The following MERTK variants were observed in gnomAD, a reference collection of about 807,000 sequenced individuals.
The protein encoded by MERTK is MER proto-oncogene, tyrosine kinase.
A neutral mutation model predicts 99.3 loss-of-function variants in MERTK; 69 were observed. The observed-to-expected ratio is 0.70, with a 90% CI of 0.57 to 0.85. The LOEUF (loss-of-function observed/expected upper bound fraction) is 0.85, where lower values mean the gene tolerates loss of function less well. Ranked by LOEUF, MERTK falls within the 40% of genes least tolerant of loss-of-function variation. MERTK has a pLI of 0.00. For missense variants in MERTK, 1,125 were observed against 1,249.4 expected (o/e 0.90, Z 1.50); for synonymous variants, 426 against 467.6 (o/e 0.91, Z 1.15).
chr2:111,946,141 C>G (rs1684957815), intron 3 of MERTK, among the ~76,000 whole-genome samples: 1 of 152,120 alleles, frequency 6.6e-6, no homozygotes, highest in Admixed American at 6.5e-5. Context: ...TCAGAGGAGT[C>G]TCTTCATGAC....
chr2:111,938,034 CAGTAG>C, intron 2 of MERTK, among the ~76,000 whole-genome samples: 1 of 152,204 alleles, frequency 6.6e-6, no homozygotes, highest in South Asian at 2.1e-4. Context: ...TCCAGAACTC[CAGTAG>C]AGTAACCACT....
intron 1 of MERTK, among the ~76,000 whole-genome samples, chr2:111,924,948 C>A (rs1254826217): frequency 6.6e-6 from 1 of 151,958 alleles, no homozygotes; most frequent in Non-Finnish European, 1.5e-5. Context: ...AGCTTTCAGT[C>A]CGGCAGTGGA....
chr2:112,029,025 C>A lies in MERTK; in HGVS notation c.*161C>A, dbSNP rs940636278. ...GTTAAGTAAGCTGTCATTAAAAATA[C>A]ATAATATATATTTATTTAAAGAGAA... On this transcript the variant is annotated 3_prime_UTR_variant, in exon 19 of 19. Coordinates refer to ENST00000295408, the MANE Select transcript of MERTK (RefSeq NM_006343.3). The A allele has an allele frequency of 2.6e-5, 38 of 1,451,738 alleles. No homozygotes were observed. Among genetic ancestry groups the A allele is most frequent in the South Asian group, 9.0e-5 (6 of 66,880 alleles). The allele number at this position is 1,451,738 out of a possible 1,614,324, so 89.9% of individuals were successfully genotyped here.
rs375195445 is a variant in MERTK at position 112,028,875 on chromosome 2, G to A, written c.*11G>A. On this transcript the variant is annotated 3_prime_UTR_variant, in exon 19 of 19. Coordinates refer to ENST00000295408, the MANE Select transcript of MERTK (RefSeq NM_006343.3). ...GAAGTCCTGATGTGAGGAGAGGTGC[G>A]GGGAGACATTCCAAAAATCAAGCCA... 6.6e-5 allele frequency: 106 copies of A among 1,613,346 alleles called. No individual in the cohort carries two copies. Among genetic ancestry groups the A allele is most frequent in the African/African-American group, 3.1e-4 (23 of 74,864 alleles).
At chr2:111,942,918 T>C (rs1684891962) in intron 2 of MERTK, among the ~76,000 whole-genome samples, 3 of 152,222 alleles carry the variant, frequency 2.0e-5, no homozygotes, top group Admixed American at 6.5e-5. Context: ...CACAGGCCAA[T>C]GAGGATCTGC....
intron 10 of MERTK, among the ~76,000 whole-genome samples, chr2:112,000,091 G>A (rs1365328185): frequency 2.6e-5 from 4 of 152,124 alleles, no homozygotes; most frequent in Non-Finnish European, 5.9e-5. Context: ...GTTAGGGTGG[G>A]GCAGGAACAA....
At chr2:111,981,727 G>A (rs1057514054) in intron 7 of MERTK, among the ~76,000 whole-genome samples, 6 of 111,774 alleles carry the variant, frequency 5.4e-5, no homozygotes, top group African/African-American at 1.5e-4. Context: ...TTTTATACAC[G>A]TACACTCGTG....
At chr2:111,963,317 A>G (rs1156829205) in intron 4 of MERTK, among the ~76,000 whole-genome samples, 1 of 152,194 alleles carries the variant, frequency 6.6e-6, no homozygotes, top group Admixed American at 6.5e-5. Flanking sequence ...CAGGAGAGCA[A>G]TGCCTTCCTC....
chr2:111,970,412 C>T (rs1676082189), intron 6 of MERTK, among the ~76,000 whole-genome samples: 1 of 152,104 alleles, frequency 6.6e-6, no homozygotes, highest in Non-Finnish European at 1.5e-5. Flanking sequence ...CAGCCTCAGC[C>T]TCCCAAAGTG....
At chr2:111,931,334 C>T (rs575049732) in intron 2 of MERTK, among the ~76,000 whole-genome samples, 3 of 152,124 alleles carry the variant, frequency 2.0e-5, no homozygotes, top group Non-Finnish European at 2.9e-5. Context: ...GCTAAGACTG[C>T]TTAGGAGATT....
chr2:111,976,087 T>C (rs149303580), intron 7 of MERTK, among the ~76,000 whole-genome samples: 5 of 152,322 alleles, frequency 3.3e-5, no homozygotes, highest in African/African-American at 9.6e-5. Context: ...GAAATACTTA[T>C]ATTTACCAGT....
intron 10 of MERTK, among the ~76,000 whole-genome samples, chr2:111,998,935 T>C (rs1052579817): frequency 6.6e-6 from 1 of 152,218 alleles, no homozygotes; most frequent in African/African-American, 2.4e-5. Flanking sequence ...ATTTGTTCCT[T>C]TTGTAAAACC....
chr2:111,898,774 C>T lies in MERTK; in HGVS notation c.39C>T (p.Phe13=). 6.2e-7 allele frequency: 1 copy of T among 1,600,774 alleles called. No homozygotes were observed. The highest frequency in any genetic ancestry group is 8.5e-7 in the Non-Finnish European group (1 of 1,174,426). The part of the protein sequence containing the change: ...PAPLPLLLGL[F]LPALWRRAIT... ...CGCTGCCGCTGCTGCTGGGCCTCTT[C>T]CTCCCCGCGCTCTGGCGTAGAGGTG... Residue 13 remains phenylalanine, a synonymous_variant, in exon 1 of 19, where the codon TTC becomes TTT. Transcript: ENST00000295408.
At chr2:111,994,170 C>T in intron 8 of MERTK, 81 bp from the exon 9 acceptor site, 1 of 1,536,072 alleles carries the variant, frequency 6.5e-7, no homozygotes. Flanking sequence ...GGGATGGCTT[C>T]CCTCAGAAGG....
intron 4 of MERTK, among the ~76,000 whole-genome samples, chr2:111,963,871 T>G (rs901259533): frequency 1.3e-5 from 2 of 151,994 alleles, no homozygotes; most frequent in African/African-American, 4.8e-5. Context: ...TAGAACTGAC[T>G]GGTATTTTTT....
chr2:112,003,864 G>A (rs1676923764), intron 12 of MERTK, 40 bp from the exon 13 acceptor site: 1 of 1,520,232 alleles, frequency 6.6e-7, no homozygotes, highest in Non-Finnish European at 9.1e-7. Context: ...TCAGGGAAGA[G>A]TTTGCACAGT....
At chr2:111,912,930 C>A in intron 1 of MERTK, 1 of 573,236 alleles carries the variant, frequency 1.7e-6, no homozygotes, top group Non-Finnish European at 2.2e-6. Flanking sequence ...CCATGGAGAG[C>A]TGGGCAAGTC....
At chr2:111,983,228 T>A (rs2104741519) in intron 8 of MERTK, among the ~76,000 whole-genome samples, 1 of 152,318 alleles carries the variant, frequency 6.6e-6, no homozygotes, top group African/African-American at 2.4e-5. Context: ...ATTCATTCTT[T>A]TACTTATTCA....
chr2:111,909,127 T>C (rs1215321839), intron 1 of MERTK, among the ~76,000 whole-genome samples: 2 of 152,072 alleles, frequency 1.3e-5, no homozygotes, highest in African/African-American at 4.8e-5. Flanking sequence ...AAATAACAAA[T>C]GCTGGCAAAG....
Sources: gnomAD v4.1 joint callset for allele counts (sites outside exome capture counted in the v4.1 genomes callset) on GRCh38, gnomAD v4.1.1 for gene constraint, MANE v1.5 for transcripts, NCBI Gene and HGNC (gene_info 2026-07-23, HGNC 2026-07-21) for gene names.